Variants in GNA14 observed in about 807,000 individuals in gnomAD.
The protein encoded by GNA14 is guanine nucleotide-binding protein subunit alpha-14.
Under a neutral mutation model 42.0 loss-of-function variants are expected in GNA14, and 50 were observed. The observed-to-expected ratio is 1.19, with a 90% CI of 0.95 to 1.51. GNA14 has a LOEUF of 1.51. Among genes scored for constraint, GNA14 ranks in the 40% most tolerant of loss-of-function variants. The probability of loss-of-function intolerance (pLI) is 0.00; values close to 1 mark genes in which losing one functional copy is unlikely to be tolerated. For synonymous variants in GNA14, 173 were observed against 163.1 expected, an observed-to-expected ratio of 1.06 and a Z score of -0.46; for missense variants, 473 against 446.2, an observed-to-expected ratio of 1.06 and a Z score of -0.54.
intron 1 of GNA14, among the ~76,000 whole-genome samples, chr9:77,534,762 C>G (rs1564046569): frequency 6.6e-6 from 1 of 151,738 alleles, no homozygotes; most frequent in African/African-American, 2.4e-5. Flanking sequence ...GGACAGGGAT[C>G]TTTTTTTTTC....
chr9:77,589,369 C>T (rs1022710988), intron 1 of GNA14, among the ~76,000 whole-genome samples: 4 of 152,210 alleles, frequency 2.6e-5, no homozygotes, highest in African/African-American at 9.6e-5. Flanking sequence ...TTTATTCATG[C>T]AAAATGGAGT....
intron 1 of GNA14, among the ~76,000 whole-genome samples, chr9:77,604,937 C>T (rs1226971893): frequency 6.6e-6 from 1 of 152,178 alleles, no homozygotes; most frequent in Non-Finnish European, 1.5e-5. Context: ...TTTCTTACCA[C>T]CCTCGTGCCA....
At chr9:77,456,260 C>T (rs1835997668) in intron 2 of GNA14, 1 of 152,188 alleles carries the variant, frequency 6.6e-6, no homozygotes, top group Admixed American at 6.5e-5. Flanking sequence ...TTAACCATCA[C>T]ACCCTATTGA....
At chr9:77,491,401 T>A (rs1836772906) in intron 2 of GNA14, among the ~76,000 whole-genome samples, 1 of 152,172 alleles carries the variant, frequency 6.6e-6, no homozygotes, top group African/African-American at 2.4e-5. Context: ...CCCAACTATA[T>A]GCTGCCTACA....
intron 5 of GNA14, among the ~76,000 whole-genome samples, chr9:77,427,616 C>T (rs1211721347): frequency 6.6e-6 from 1 of 152,254 alleles, no homozygotes; most frequent in African/African-American, 2.4e-5. Context: ...ACGAGGAGGA[C>T]ATGAGTGTTC....
chr9:77,449,709 G>T (rs1409955518), intron 2 of GNA14, among the ~76,000 whole-genome samples: 1 of 152,162 alleles, frequency 6.6e-6, no homozygotes, highest in Admixed American at 6.5e-5. Flanking sequence ...CTGTCAAACA[G>T]GTTTCATACT....
intron 2 of GNA14, among the ~76,000 whole-genome samples, chr9:77,485,432 A>G (rs1836641193): frequency 6.6e-6 from 1 of 152,172 alleles, no homozygotes; most frequent in Non-Finnish European, 1.5e-5. Context: ...CTGAACCTTC[A>G]AAGTCATCCA....
chr9:77,620,574 C>T (rs1000962454), intron 1 of GNA14, among the ~76,000 whole-genome samples: 1 of 152,224 alleles, frequency 6.6e-6, no homozygotes, highest in Non-Finnish European at 1.5e-5. Flanking sequence ...CATTGCTGGG[C>T]GTGGTGGCTC....
At chr9:77,538,331 C>G (rs1170854172) in intron 1 of GNA14, among the ~76,000 whole-genome samples, 1 of 152,128 alleles carries the variant, frequency 6.6e-6, no homozygotes, top group East Asian at 1.9e-4. Flanking sequence ...GCCTTGGCCT[C>G]CAAACATGTT....
At chr9:77,547,632 GATTT>G (rs1245901549) in intron 1 of GNA14, among the ~76,000 whole-genome samples, 1 of 152,086 alleles carries the variant, frequency 6.6e-6, no homozygotes, top group East Asian at 1.9e-4. Context: ...GTCCCTTTTG[GATTT>G]ATTATTTTTT....
intron 1 of GNA14, among the ~76,000 whole-genome samples, chr9:77,612,652 T>C (rs1823752092): frequency 1.3e-5 from 2 of 149,770 alleles, no homozygotes; most frequent in African/African-American, 4.9e-5. Flanking sequence ...CCTGTTACAA[T>C]GGCTATTATT....
At chr9:77,584,088 A>G (rs967946992) in intron 1 of GNA14, among the ~76,000 whole-genome samples, 12 of 152,146 alleles carry the variant, frequency 7.9e-5, no homozygotes, top group African/African-American at 2.4e-4. Context: ...GGCAAAAATA[A>G]AATTCTGCAA....
At chr9:77,629,958 A>T (rs1824071425) in intron 1 of GNA14, among the ~76,000 whole-genome samples, 1 of 152,204 alleles carries the variant, frequency 6.6e-6, no homozygotes, top group Non-Finnish European at 1.5e-5. Context: ...GTCCTTATTT[A>T]TGGTATTTAA....
At chr9:77,602,345 A>C (rs1823580157) in intron 1 of GNA14, among the ~76,000 whole-genome samples, 1 of 152,198 alleles carries the variant, frequency 6.6e-6, no homozygotes, top group Non-Finnish European at 1.5e-5. Flanking sequence ...GACGAACAAA[A>C]CAAATAGTAA....
At chr9:77,618,329 A>C (rs2117963500) in intron 1 of GNA14, among the ~76,000 whole-genome samples, 1 of 152,028 alleles carries the variant, frequency 6.6e-6, no homozygotes, top group South Asian at 2.1e-4. Flanking sequence ...GATCTCATAA[A>C]GGTAAACTAC....
At chr9:77,491,219 A>C (rs1438081440) in intron 2 of GNA14, among the ~76,000 whole-genome samples, 3 of 152,282 alleles carry the variant, frequency 2.0e-5, no homozygotes, top group Non-Finnish European at 4.4e-5. Flanking sequence ...GAAGTTCTTC[A>C]GTCAGAAATT....
chr9:77,487,187 C>T lies in GNA14; in HGVS notation c.309+41882G>A, dbSNP rs370968381. On this transcript the variant is annotated intron_variant, in intron 2 of 6. Coordinates refer to ENST00000341700, the MANE Select transcript of GNA14 (RefSeq NM_004297.4). Reference sequence around the variant, plus strand: ...CACTGGATGAAGGGATGATTCATGGCCCAGGTAGGATGGAGCTGGACAGTA... The same window carrying T: ...CACTGGATGAAGGGATGATTCATGGTCCAGGTAGGATGGAGCTGGACAGTA... Among the ~76,000 whole-genome samples, 10 of 152,140 alleles carry T rather than the reference C, an allele frequency of 6.6e-5. No individual in the cohort carries two copies. In the South Asian group the frequency reaches 2.1e-3, roughly 32 times the overall value.
At chr9:77,571,710 G>A (rs1232820431) in intron 1 of GNA14, among the ~76,000 whole-genome samples, 2 of 147,122 alleles carry the variant, frequency 1.4e-5, no homozygotes, top group Non-Finnish European at 3.0e-5. Flanking sequence ...TGAGGCAGGA[G>A]AATCGCTTGA....
In GNA14 at chr9:77,428,572, G is replaced by T. The variant is rs538385618; in HGVS notation, c.723+335C>A. 2.0e-5 allele frequency among the ~76,000 whole-genome samples: 3 copies of T among 152,244 alleles called. 1 individual carries two copies. In the South Asian group the frequency reaches 6.2e-4, roughly 32 times the overall value. On this transcript the variant is annotated intron_variant, in intron 5 of 6. Coordinates refer to ENST00000341700, the MANE Select transcript of GNA14 (RefSeq NM_004297.4). The stretch of plus-strand genomic sequence containing the variant: ...CTCTGGGGTTGGACTCAGGCACCAG[G>T]TTTTTGTTAAGTCCCTCAGCAAACT...
Sources: allele counts gnomAD v4.1 joint callset (sites outside exome capture counted in the v4.1 genomes callset), GRCh38; gene constraint gnomAD v4.1.1; transcripts MANE v1.5; gene names NCBI Gene and HGNC (gene_info 2026-07-23, HGNC 2026-07-21).